The following CLVS2 variants were observed in gnomAD, a reference collection of about 807,000 sequenced individuals.
CLVS2 encodes clavesin 2.
In CLVS2, 19 loss-of-function variants were observed where a neutral mutation model predicts 29.0. That is an observed-to-expected ratio of 0.66 (90% CI 0.46 to 0.96). The LOEUF is 0.96. Among genes scored for constraint, CLVS2 ranks in the 40% least tolerant of loss-of-function variants. The probability of loss-of-function intolerance (pLI) is 0.00; values close to 1 mark genes in which losing one functional copy is unlikely to be tolerated. For synonymous variants in CLVS2, 161 were observed against 151.3 expected (o/e 1.06, Z -0.47); for missense variants, 294 against 404.1 (o/e 0.73, Z 2.34).
At chr6:123,022,629 G>T (rs542902366) in intron 3 of CLVS2, among the ~76,000 whole-genome samples, 20 of 151,994 alleles carry the variant, frequency 1.3e-4, no homozygotes, top group Non-Finnish European at 1.9e-4. Flanking sequence ...AAATATGGAA[G>T]AAATTTATTT....
chr6:123,007,628 G>T (rs986238923), intron 2 of CLVS2, among the ~76,000 whole-genome samples: 4 of 152,110 alleles, frequency 2.6e-5, no homozygotes, highest in Non-Finnish European at 5.9e-5. Flanking sequence ...TGTTCTAGCA[G>T]CTTTTATTCT....
chr6:123,018,684 T>A lies in CLVS2; in HGVS notation c.564+7525T>A, dbSNP rs12178912. On this transcript the variant is annotated intron_variant, in intron 3 of 5. Transcript: ENST00000275162. ...TCTGAATAGCTTTTTTTTTTTTTTT[T>A]TAAAAAAAAGTGGGCTTGATTTTCT... Among the ~76,000 whole-genome samples, 944 of 112,282 alleles carry A rather than the reference T, an allele frequency of 8.4e-3. 8 individuals are homozygous for A. Among genetic ancestry groups the A allele is most frequent in the East Asian group, 0.017 (57 of 3,344 alleles). 73.7% of individuals were successfully genotyped at this position (112,282 alleles called of 152,430 possible). A position where few individuals can be genotyped will look rare whatever the true frequency, so the allele number is the denominator to read the frequency against.
intron 3 of CLVS2, among the ~76,000 whole-genome samples, chr6:123,026,727 G>A (rs558447220): frequency 1.1e-4 from 16 of 152,234 alleles, no homozygotes; most frequent in African/African-American, 3.6e-4. Flanking sequence ...TGGCATGTAC[G>A]TATCAGTTTT....
intron 5 of CLVS2, among the ~76,000 whole-genome samples, chr6:123,061,950 T>C (rs1035331867): frequency 2.6e-5 from 4 of 152,152 alleles, no homozygotes; most frequent in African/African-American, 9.7e-5. Flanking sequence ...CTCATTACTC[T>C]TCATTTTGAG....
chr6:123,071,524 C>T lies in CLVS2; in HGVS notation c.*7763C>T, dbSNP rs1464619936. 3 of 151,936 alleles carry T rather than the reference C, an allele frequency of 2.0e-5. No homozygotes were observed. The highest frequency in any genetic ancestry group is 2.9e-5 in the Non-Finnish European group (2 of 67,916). The allele number at this position is 151,936 out of a possible 1,614,324, so 9.4% of individuals were successfully genotyped here. On this transcript the variant is annotated 3_prime_UTR_variant, in exon 6 of 6. Coordinates refer to ENST00000275162, the MANE Select transcript of CLVS2 (RefSeq NM_001010852.4). ...GGGAAAAGTCATTTTGAGATTAAAA[C>T]TACATGGAATTGTTCTTTATGGATT...
chr6:123,046,806 G>A (rs1000511656), intron 3 of CLVS2, among the ~76,000 whole-genome samples: 2 of 152,112 alleles, frequency 1.3e-5, no homozygotes, highest in Admixed American at 1.3e-4. Flanking sequence ...AAAGTACCAA[G>A]ATGTTGGTTT....
chr6:123,033,140 A>G (rs895696800), intron 3 of CLVS2, among the ~76,000 whole-genome samples: 7 of 152,136 alleles, frequency 4.6e-5, no homozygotes, highest in African/African-American at 1.7e-4. Flanking sequence ...TGGTTCATGA[A>G]GATGAAAAAT....
intron 4 of CLVS2, among the ~76,000 whole-genome samples, chr6:123,052,344 T>C (rs994015486): frequency 2.0e-5 from 3 of 152,308 alleles, no homozygotes; most frequent in African/African-American, 7.2e-5. Context: ...ATATCCATTA[T>C]AAATGTTCTG....
rs553678047 is a variant in CLVS2 at position 123,067,359 on chromosome 6, G to A, written c.*3598G>A. ...ATGTCTTCAGGGACAGGGATCATTTGCTTCTACAATGTAAAGGTTTATGGA... is the reference window on the plus strand; with the variant it reads ...ATGTCTTCAGGGACAGGGATCATTTACTTCTACAATGTAAAGGTTTATGGA... On this transcript the variant is annotated 3_prime_UTR_variant, in exon 6 of 6. Coordinates refer to ENST00000275162, the MANE Select transcript of CLVS2 (RefSeq NM_001010852.4). 6.6e-6 allele frequency: 1 copy of A among 151,612 alleles called. No homozygotes were observed. The highest frequency in any genetic ancestry group is 2.4e-5 in the African/African-American group (1 of 41,386). The allele number at this position is 151,612 out of a possible 1,614,324, so 9.4% of individuals were successfully genotyped here. A position where few individuals can be genotyped will look rare whatever the true frequency, so the allele number is the denominator to read the frequency against.
chr6:123,050,908 TTTGACAACC>T (rs1188191272), intron 4 of CLVS2, among the ~76,000 whole-genome samples: 1 of 152,188 alleles, frequency 6.6e-6, no homozygotes, highest in Non-Finnish European at 1.5e-5. Flanking sequence ...ATTGGACAGC[TTTGACAACC>T]TAGAAGCATG....
intron 5 of CLVS2, among the ~76,000 whole-genome samples, chr6:123,059,009 C>G (rs903860272): frequency 1.3e-5 from 2 of 152,074 alleles, no homozygotes; most frequent in African/African-American, 4.8e-5. Context: ...CAATCACCTC[C>G]TTATCATGGC....
rs183915002 is a variant in CLVS2 at position 123,002,852 on chromosome 6, G to A, written c.389+4686G>A. Among the ~76,000 whole-genome samples the A allele has an allele frequency of 8.5e-5, 13 of 152,174 alleles. No homozygotes were observed. The East Asian group carries it at 9.7e-4, about 11-fold the overall frequency. ...TAGGAGTCCTTTTCGTAAAAATTCT[G>A]GAGGCATGGCTTTGCCATCTTTTGG... On this transcript the variant is annotated intron_variant, in intron 2 of 5. Transcript: ENST00000275162.
rs71541220 is a variant in CLVS2, at chr6:123,057,334, C to CTT, written c.896+1338_896+1339dup. Among the ~76,000 whole-genome samples, 54 of 83,676 alleles carry CTT rather than the reference C, an allele frequency of 6.5e-4. 2 individuals are homozygous for CTT. Among genetic ancestry groups the CTT allele is most frequent in the African/African-American group, 1.1e-3 (23 of 21,710 alleles). The allele number at this position is 83,676 out of a possible 152,430, so 54.9% of individuals were successfully genotyped here. A position where few individuals can be genotyped will look rare whatever the true frequency, so the allele number is the denominator to read the frequency against. On this transcript the variant is annotated intron_variant, in intron 5 of 5. Coordinates refer to ENST00000275162, the MANE Select transcript of CLVS2 (RefSeq NM_001010852.4). ...GTGCCTGTTCTTTAAGGATGGTCTT[C>CTT]TTTTTTTTTTTTTTTTTTTTTTTTT... is the stretch of plus-strand genomic sequence containing the variant.
At chr6:123,023,255 A>G (rs1399889789) in intron 3 of CLVS2, among the ~76,000 whole-genome samples, 2 of 151,986 alleles carry the variant, frequency 1.3e-5, no homozygotes, top group African/African-American at 4.8e-5. Flanking sequence ...GCCTTTAAAG[A>G]AGGTCTCTCT....
chr6:123,017,139 G>A (rs1774848602), intron 3 of CLVS2, among the ~76,000 whole-genome samples: 1 of 151,642 alleles, frequency 6.6e-6, no homozygotes, highest in African/African-American at 2.4e-5. Context: ...AAGGGAGAGT[G>A]TAGAAAAGAA....
chr6:123,017,733 G>A (rs1300903070), intron 3 of CLVS2, among the ~76,000 whole-genome samples: 1 of 152,006 alleles, frequency 6.6e-6, no homozygotes, highest in South Asian at 2.1e-4. Flanking sequence ...AGCAGGCTAA[G>A]GATTATATAA....
At chr6:123,028,588 T>C (rs761875162) in intron 3 of CLVS2, among the ~76,000 whole-genome samples, 2 of 152,208 alleles carry the variant, frequency 1.3e-5, no homozygotes, top group African/African-American at 2.4e-5. Flanking sequence ...GCAGCTCTTT[T>C]CATCTCTGAG....
chr6:123,040,485 T>C (rs1362427851), intron 3 of CLVS2, among the ~76,000 whole-genome samples: 1 of 152,184 alleles, frequency 6.6e-6, no homozygotes, highest in Non-Finnish European at 1.5e-5. Flanking sequence ...CTCCCCGCCA[T>C]GGAATCAATA....
At chr6:123,049,836 T>C (rs1170749982) in intron 4 of CLVS2, among the ~76,000 whole-genome samples, 1 of 150,462 alleles carries the variant, frequency 6.6e-6, no homozygotes, top group African/African-American at 2.4e-5. Context: ...TTAGGAGATA[T>C]ACCTAATGTT....
Sources: allele counts gnomAD v4.1 joint callset (sites outside exome capture counted in the v4.1 genomes callset), GRCh38; gene constraint gnomAD v4.1.1; transcripts MANE v1.5; gene names NCBI Gene and HGNC (gene_info 2026-07-23, HGNC 2026-07-21).